RAB14: variants seen among roughly 807,000 people sequenced by gnomAD.
RAB14 encodes the protein ras-related protein Rab-14.
Under a neutral mutation model 31.1 loss-of-function variants are expected in RAB14, and 3 were observed. The ratio of observed to expected loss-of-function variants is 0.10; its 90% CI spans 0.04 to 0.25. RAB14 has a LOEUF of 0.25. Ranked by LOEUF, RAB14 falls within the 10% of genes least tolerant of loss-of-function variation. The probability of loss-of-function intolerance (pLI) is 1.00; values close to 1 mark genes in which losing one functional copy is unlikely to be tolerated. For missense variants in RAB14, 111 were observed against 260.1 expected (o/e 0.43, Z 3.94); for synonymous variants, 85 against 84.9 (o/e 1.00, Z 0.00).
intron 7 of RAB14, among the ~76,000 whole-genome samples, chr9:121,181,858 CT>C (rs1039413650): frequency 1.3e-5 from 2 of 148,558 alleles, no homozygotes; most frequent in African/African-American, 2.4e-5. Context: ...AGCGATTCTC[CT>C]GCTTCAGCCT....
intron 1 of RAB14, among the ~76,000 whole-genome samples, chr9:121,195,537 A>G (rs984409700): frequency 2.6e-4 from 39 of 152,182 alleles, no homozygotes; most frequent in African/African-American, 9.4e-4. Flanking sequence ...CCTGCTAATT[A>G]TCATACATTC....
rs529503923 is a variant in RAB14 at position 121,183,242 on chromosome 9, A to G, written c.439+69T>C. ...AAAAAAAATGCAAAAAAAAACCAAC[A>G]AAACTGTCAAGCCCACCTTTCCTTA... On this transcript the variant is annotated intron_variant, in intron 6 of 7. Coordinates refer to ENST00000373840, the MANE Select transcript of RAB14 (RefSeq NM_016322.4). The G allele has an allele frequency of 2.2e-6, 3 of 1,338,374 alleles. No individual in the cohort carries two copies. The African/African-American group carries it at 4.4e-5, about 20-fold the overall frequency. 82.9% of individuals were successfully genotyped at this position (1,338,374 alleles called of 1,614,324 possible). A position where few individuals can be genotyped will look rare whatever the true frequency, so the allele number is the denominator to read the frequency against.
At chr9:121,185,340 A>G (rs191316532) in intron 5 of RAB14, among the ~76,000 whole-genome samples, 17 of 152,174 alleles carry the variant, frequency 1.1e-4, no homozygotes, top group Admixed American at 3.9e-4. Context: ...ACTATAATAC[A>G]CTCTCAAAAC....
At position 121,179,358 on chromosome 9, in the gene RAB14, A is replaced by G. The variant is rs1406247195; in HGVS notation, c.*2038T>C. Reference sequence around the variant, plus strand: ...AGATTAATAGCATTTTGTTACATCAAATGAAGAGTACAGCAGTCTGAATAA... The same window carrying G: ...AGATTAATAGCATTTTGTTACATCAGATGAAGAGTACAGCAGTCTGAATAA... On this transcript the variant is annotated 3_prime_UTR_variant, in exon 8 of 8. Coordinates refer to ENST00000373840, the MANE Select transcript of RAB14 (RefSeq NM_016322.4). 1 of 152,674 alleles carries G rather than the reference A, an allele frequency of 6.5e-6. No homozygotes were observed. The highest frequency in any genetic ancestry group is 1.5e-5 in the Non-Finnish European group (1 of 68,042). 9.5% of individuals were successfully genotyped at this position (152,674 alleles called of 1,614,324 possible). A position where few individuals can be genotyped will look rare whatever the true frequency, so the allele number is the denominator to read the frequency against.
In RAB14 at chr9:121,182,045, C is replaced by T. The variant is rs191193189; in HGVS notation, c.471-472G>A. Among the ~76,000 whole-genome samples the T allele has an allele frequency of 1.2e-4, 18 of 152,102 alleles. No individual in the cohort carries two copies. In the East Asian group the frequency reaches 3.1e-3, roughly 26 times the overall value. On this transcript the variant is annotated intron_variant, in intron 7 of 7. Coordinates refer to ENST00000373840, the MANE Select transcript of RAB14 (RefSeq NM_016322.4). ...ACAGGTATGAGCCACCACACCCGGC[C>T]GGAAAACTACTTTCTATGGAAAGCA...
rs570556284 is a variant in RAB14, at chr9:121,191,451, C to T, written c.106+720G>A. Among the ~76,000 whole-genome samples, 9 of 152,256 alleles carry T rather than the reference C, an allele frequency of 5.9e-5. 1 individual carries two copies. Among genetic ancestry groups the T allele is most frequent in the African/African-American group, 1.4e-4 (6 of 41,568 alleles). ...CTTCTGGGTTCAAGCAAGCCTCCCA[C>T]GTAAGTCTCCCAAAGCACTACTGGG... On this transcript the variant is annotated intron_variant, in intron 3 of 7. Transcript: ENST00000373840.
At chr9:121,192,952 TA>T (rs947748913) in intron 2 of RAB14, among the ~76,000 whole-genome samples, 5 of 152,150 alleles carry the variant, frequency 3.3e-5, no homozygotes, top group Non-Finnish European at 5.9e-5. Context: ...AGAAAAATAC[TA>T]TATTTTATAT....
chr9:121,189,885 GACAA>G (rs2053677523), intron 4 of RAB14, among the ~76,000 whole-genome samples: 1 of 151,982 alleles, frequency 6.6e-6, no homozygotes, highest in Admixed American at 6.6e-5. Context: ...GCTTACAGTA[GACAA>G]ACAGTGCAGG....
At chr9:121,184,728 T>C (rs1432076458) in intron 5 of RAB14, among the ~76,000 whole-genome samples, 4 of 152,314 alleles carry the variant, frequency 2.6e-5, no homozygotes, top group African/African-American at 7.2e-5. Flanking sequence ...TGAGCATTCT[T>C]TAAACAGTGT....
chr9:121,193,512 A>G, intron 1 of RAB14, 93 bp from the exon 2 acceptor site: 3 of 792,142 alleles, frequency 3.8e-6, no homozygotes, highest in Middle Eastern at 5.1e-4. Flanking sequence ...AGAAAAGGAC[A>G]CTGAATACAA....
chr9:121,187,325 G>A (rs999174678), intron 4 of RAB14, among the ~76,000 whole-genome samples: 2 of 152,142 alleles, frequency 1.3e-5, no homozygotes, highest in East Asian at 3.9e-4. Flanking sequence ...GTAAATTGAT[G>A]GAAATGCCAA....
intron 2 of RAB14, among the ~76,000 whole-genome samples, chr9:121,192,427 T>C (rs954824294): frequency 2.0e-5 from 3 of 152,134 alleles, no homozygotes; most frequent in Non-Finnish European, 2.9e-5. Context: ...TGACAGAATT[T>C]GGCTGTAAAT....
chr9:121,192,145 A>T (rs2053690375), intron 3 of RAB14, 26 bp downstream of exon 3: 1 of 1,492,990 alleles, frequency 6.7e-7, no homozygotes, highest in East Asian at 2.3e-5. Context: ...AAAACTATTA[A>T]TGTTTACCTC....
chr9:121,185,434 T>C, intron 5 of RAB14, among the ~76,000 whole-genome samples: 1 of 152,138 alleles, frequency 6.6e-6, no homozygotes, highest in East Asian at 1.9e-4. Context: ...CGTTCGTGCA[T>C]GGGTGGTTCT....
intron 5 of RAB14, 99 bp from the exon 6 acceptor site, chr9:121,183,497 C>T (rs1363660156): frequency 1.1e-6 from 1 of 924,672 alleles, no homozygotes; most frequent in African/African-American, 1.7e-5. Flanking sequence ...GAAAAAATGA[C>T]TGGGCCTAAA....
At chr9:121,183,499 G>A in intron 5 of RAB14, 101 bp from the exon 6 acceptor site, 1 of 908,824 alleles carries the variant, frequency 1.1e-6, no homozygotes, top group East Asian at 2.5e-5. Flanking sequence ...AAAAATGACT[G>A]GGCCTAAAAA....
chr9:121,183,303 A>G lies in RAB14; in HGVS notation c.439+8T>C. On this transcript the variant is annotated splice_region_variant and intron_variant, in intron 6 of 7. Transcript: ENST00000373840. Reference sequence around the variant, plus strand: ...CAATTGTGACCATTAAGTCTTAAAGAAACTCACCATTTTCTTCAGCAAACT... The same window carrying G: ...CAATTGTGACCATTAAGTCTTAAAGGAACTCACCATTTTCTTCAGCAAACT... 2 of 1,596,942 alleles carry G rather than the reference A, an allele frequency of 1.3e-6. No individual in the cohort carries two copies. The highest frequency in any genetic ancestry group is 1.7e-6 in the Non-Finnish European group (2 of 1,165,898).
Position 121,180,069 on chromosome 9 carries a change from G to C in RAB14, c.*1327C>G, listed in dbSNP as rs1036550510. 15 of 152,616 alleles carry C rather than the reference G, an allele frequency of 9.8e-5. No individual in the cohort carries two copies. Among genetic ancestry groups the C allele is most frequent in the African/African-American group, 3.4e-4 (14 of 41,430 alleles). 9.5% of individuals were successfully genotyped at this position (152,616 alleles called of 1,614,324 possible). Reference sequence around the variant, plus strand: ...CTGGTGCAAAGTAATAACTTACTTTGTATCAGCACAAGCGCTGAAACACCT... The same window carrying C: ...CTGGTGCAAAGTAATAACTTACTTTCTATCAGCACAAGCGCTGAAACACCT... On this transcript the variant is annotated 3_prime_UTR_variant, in exon 8 of 8. Transcript: ENST00000373840.
chr9:121,192,997 T>C (rs2053695286), intron 2 of RAB14, among the ~76,000 whole-genome samples: 1 of 152,132 alleles, frequency 6.6e-6, no homozygotes, highest in Admixed American at 6.6e-5. Flanking sequence ...CAAACAATAT[T>C]CTCTACCAAT....
Sources: allele counts gnomAD v4.1 joint callset (sites outside exome capture counted in the v4.1 genomes callset), GRCh38; gene constraint gnomAD v4.1.1; transcripts MANE v1.5; gene names NCBI Gene and HGNC (gene_info 2026-07-23, HGNC 2026-07-21).